Variants in RBFOX1 observed in about 807,000 individuals in gnomAD.
The protein encoded by RBFOX1 is RNA binding fox-1 homolog 1.
RBFOX1 carries 8 observed loss-of-function variants against 57.7 expected under a neutral mutation model. The ratio of observed to expected loss-of-function variants is 0.14; its 90% CI spans 0.08 to 0.25. RBFOX1 has a LOEUF of 0.25. RBFOX1 is among the 10% of genes least tolerant of loss of function. The pLI, the probability that RBFOX1 is intolerant of heterozygous loss-of-function variation, is 1.00. For synonymous variants in RBFOX1, 326 were observed against 222.4 expected (o/e 1.47, Z -4.15); for missense variants, 611 against 548.5 (o/e 1.11, Z -1.14).
intron 1 of RBFOX1, among the ~76,000 whole-genome samples, chr16:6,032,083 C>G (rs1415032472): frequency 1.3e-5 from 2 of 152,074 alleles, no homozygotes; most frequent in African/African-American, 4.8e-5. Context: ...ATTAGCACCA[C>G]AGAGACCCTT....
At chr16:7,676,859 G>A in intron 14 of RBFOX1, 21 bp downstream of exon 14, 3 of 1,594,098 alleles carry the variant, frequency 1.9e-6, no homozygotes, top group Non-Finnish European at 2.6e-6. Flanking sequence ...TCCTTCTTGT[G>A]CTTGACAACT....
chr16:5,619,055 T>A (rs1490115772), intron 3 of RBFOX1, among the ~76,000 whole-genome samples: 2 of 152,162 alleles, frequency 1.3e-5, no homozygotes, highest in African/African-American at 4.8e-5. Flanking sequence ...GGACAAAATG[T>A]CTAGTCTATT....
At chr16:5,245,273 C>G (rs1274481630) in intron 1 of RBFOX1, among the ~76,000 whole-genome samples, 1 of 152,166 alleles carries the variant, frequency 6.6e-6, no homozygotes, top group Non-Finnish European at 1.5e-5. Flanking sequence ...ATGGTCAAGT[C>G]TGATCTCAGG....
chr16:5,821,288 C>CTTTTTT lies in RBFOX1; in HGVS notation c.319-46013_319-46008dup, dbSNP rs748095632. ...GGAAGTGGGCTGTCTGTCATTCTCT[C>CTTTTTT]TTTTTTTATTTTTTTTTTTTTTTTT... On this transcript the variant is annotated intron_variant, in intron 3 of 19. Transcript: ENST00000641259. 3.2e-4 allele frequency among the ~76,000 whole-genome samples: 40 copies of CTTTTTT among 125,476 alleles called. 6 individuals carry two copies. The highest frequency in any genetic ancestry group is 3.5e-4 in the Non-Finnish European group (21 of 59,866). The allele number at this position is 125,476 out of a possible 152,430, so 82.3% of individuals were successfully genotyped here. A position where few individuals can be genotyped will look rare whatever the true frequency, so the allele number is the denominator to read the frequency against.
intron 1 of RBFOX1, among the ~76,000 whole-genome samples, chr16:6,102,201 C>G (rs1304894291): frequency 6.7e-6 from 1 of 149,028 alleles, no homozygotes; most frequent in Non-Finnish European, 1.5e-5. Context: ...AAAAATGCAC[C>G]CAGAAATGCA....
At chr16:5,886,810 C>T (rs1800352142) in intron 4 of RBFOX1, among the ~76,000 whole-genome samples, 1 of 152,194 alleles carries the variant, frequency 6.6e-6, no homozygotes, top group Non-Finnish European at 1.5e-5. Flanking sequence ...ATCACTTGAA[C>T]CTGGGAGGTG....
intron 4 of RBFOX1, among the ~76,000 whole-genome samples, chr16:7,393,614 TG>T (rs770686082): frequency 6.6e-6 from 1 of 152,100 alleles, no homozygotes; most frequent in Non-Finnish European, 1.5e-5. Context: ...GAGGAAGGTA[TG>T]GTTTCAGGGG....
chr16:7,245,151 A>G (rs1324374133), intron 4 of RBFOX1, among the ~76,000 whole-genome samples: 1 of 152,224 alleles, frequency 6.6e-6, no homozygotes, highest in African/African-American at 2.4e-5. Context: ...TTGATAACAT[A>G]GAACAGTGGT....
rs554170820 is a variant in RBFOX1, at chr16:6,607,333, A to G, written c.-63-47270A>G. ...CATCCCTTAAAAATCAAGCATTAGG[A>G]TATAATAATTCATTTAATATAAATG... On this transcript the variant is annotated intron_variant, in intron 2 of 15. Coordinates refer to ENST00000550418, the MANE Select transcript of RBFOX1 (RefSeq NM_018723.4). Among the ~76,000 whole-genome samples the G allele has an allele frequency of 1.4e-4, 21 of 152,330 alleles. No homozygotes were observed. In the South Asian group the frequency reaches 4.1e-3, roughly 30 times the overall value.
intron 2 of RBFOX1, among the ~76,000 whole-genome samples, chr16:6,608,831 T>C (rs1051240534): frequency 2.0e-5 from 3 of 152,240 alleles, no homozygotes; most frequent in Non-Finnish European, 4.4e-5. Context: ...AAGTCTGCAG[T>C]GTGTCTCACT....
chr16:6,815,699 G>A lies in RBFOX1; in HGVS notation c.-16+161049G>A, dbSNP rs187883548. Among the ~76,000 whole-genome samples, 621 of 152,242 alleles carry A rather than the reference G, an allele frequency of 4.1e-3. 6 individuals are homozygous for A. Among genetic ancestry groups the A allele is most frequent in the Non-Finnish European group, 5.2e-3 (356 of 68,012 alleles). ...TCAAACCTAGACTTGTTCAGCGACA[G>A]AACACACACTTAACCATTACCCACT... On this transcript the variant is annotated intron_variant, in intron 3 of 15. Coordinates refer to ENST00000550418, the MANE Select transcript of RBFOX1 (RefSeq NM_018723.4).
Position 7,400,958 on chromosome 16 carries a change from A to G in RBFOX1, c.28-117189A>G, listed in dbSNP as rs1189514869. Among the ~76,000 whole-genome samples, 4 of 152,298 alleles carry G rather than the reference A, an allele frequency of 2.6e-5. No individual in the cohort carries two copies. The East Asian group carries it at 7.7e-4, about 29-fold the overall frequency. ...ATACCACCACGGTATTTTATTTCTA[A>G]TATGTTACCCTGCCAACCTTGGAAC... On this transcript the variant is annotated intron_variant, in intron 4 of 15. Transcript: ENST00000550418.
intron 2 of RBFOX1, among the ~76,000 whole-genome samples, chr16:6,383,067 A>AG (rs2091957280): frequency 6.6e-6 from 1 of 152,172 alleles, no homozygotes. Context: ...AAGTTTGTTA[A>AG]GGTTGCCCAG....
At chr16:6,090,523 G>T (rs2152530033) in intron 1 of RBFOX1, among the ~76,000 whole-genome samples, 1 of 152,306 alleles carries the variant, frequency 6.6e-6, no homozygotes, top group African/African-American at 2.4e-5. Context: ...GTTCTAAAAG[G>T]TAAACCTTGG....
chr16:6,508,749 C>G (rs1443689255), intron 2 of RBFOX1, among the ~76,000 whole-genome samples: 1 of 152,042 alleles, frequency 6.6e-6, no homozygotes, highest in Non-Finnish European at 1.5e-5. Flanking sequence ...GGATGAATTA[C>G]TTGCCATATT....
chr16:6,122,346 T>C (rs998485934), intron 1 of RBFOX1, among the ~76,000 whole-genome samples: 1 of 146,392 alleles, frequency 6.8e-6, no homozygotes, highest in African/African-American at 2.6e-5. Flanking sequence ...GAACCTTGTG[T>C]CTAAAAGATA....
At chr16:6,888,083 A>AT (rs546832219) in intron 3 of RBFOX1, among the ~76,000 whole-genome samples, 3 of 152,076 alleles carry the variant, frequency 2.0e-5, no homozygotes, top group African/African-American at 7.2e-5. Context: ...TTAGTGTAAA[A>AT]TTTTTAATAA....
At chr16:6,780,878 C>A (rs898695206) in intron 3 of RBFOX1, among the ~76,000 whole-genome samples, 4 of 151,938 alleles carry the variant, frequency 2.6e-5, no homozygotes, top group African/African-American at 4.8e-5. Context: ...GAGCTCCTCA[C>A]ATGTTCTGGC....
At chr16:6,403,370 C>A (rs1167127823) in intron 2 of RBFOX1, among the ~76,000 whole-genome samples, 1 of 151,314 alleles carries the variant, frequency 6.6e-6, no homozygotes, top group Admixed American at 6.6e-5. Flanking sequence ...TTATCAGAGA[C>A]TTTTTTTTTA....
Sources: gnomAD v4.1 joint callset for allele counts (sites outside exome capture counted in the v4.1 genomes callset) on GRCh38, gnomAD v4.1.1 for gene constraint, MANE v1.5 for transcripts, NCBI Gene and HGNC (gene_info 2026-07-23, HGNC 2026-07-21) for gene names.